THRAP3: variants seen among roughly 807,000 people sequenced by gnomAD.
THRAP3 encodes thyroid hormone receptor-associated protein 3.
In THRAP3, 16 loss-of-function variants were observed where a neutral mutation model predicts 101.0. That is an observed-to-expected ratio of 0.16 (90% CI 0.11 to 0.24). The LOEUF (loss-of-function observed/expected upper bound fraction) is 0.24. THRAP3 is among the 10% of genes least tolerant of loss of function. The probability of loss-of-function intolerance (pLI) is 1.00; values close to 1 mark genes in which losing one functional copy is unlikely to be tolerated. For missense variants in THRAP3, 989 were observed against 1,202.7 expected, an observed-to-expected ratio of 0.82 and a Z score of 2.63; for synonymous variants, 407 against 422.6, an observed-to-expected ratio of 0.96 and a Z score of 0.45.
the THRAP3 span, among the ~76,000 whole-genome samples, chr1:36,207,672 G>C: frequency 2.4e-4 from 36 of 152,330 alleles, no homozygotes; most frequent in African/African-American, 8.7e-4. Context: ...ACGTTTCTCT[G>C]CTGCATTGAC....
chr1:36,285,391 A>G (rs1160929115), intron 3 of THRAP3, among the ~76,000 whole-genome samples: 3 of 152,218 alleles, frequency 2.0e-5, no homozygotes, highest in Non-Finnish European at 4.4e-5. Context: ...TTACACCAAC[A>G]TACGTAATTT....
intron 1 of THRAP3, among the ~76,000 whole-genome samples, chr1:36,239,261 T>G (rs1645126958): frequency 1.0e-4 from 2 of 19,840 alleles, no homozygotes; most frequent in Non-Finnish European, 2.0e-4. Context: ...GCTGGTCTTT[T>G]TTTTTTTTTT....
At chr1:36,272,698 T>A (rs1185412001) in intron 2 of THRAP3, among the ~76,000 whole-genome samples, 2 of 152,224 alleles carry the variant, frequency 1.3e-5, no homozygotes, top group Non-Finnish European at 2.9e-5. Flanking sequence ...AGTTGATGGC[T>A]TGTTCACCAA....
intron 1 of THRAP3, among the ~76,000 whole-genome samples, chr1:36,236,883 C>A (rs1441991483): frequency 6.6e-6 from 1 of 152,018 alleles, no homozygotes. Context: ...AGTTTCTGTT[C>A]TTTAAAAACA....
chr1:36,301,788 G>A lies in THRAP3; in HGVS notation c.2646+92G>A, dbSNP rs1646033833. ...CCTTAATTAGTTTGTCCAAAACTGC[G>A]ATTAAATGTACGTGCAGGATTATTG... On this transcript the variant is annotated intron_variant, in intron 11 of 11. Coordinates refer to ENST00000354618, the MANE Select transcript of THRAP3 (RefSeq NM_005119.4). 17 of 1,471,788 alleles carry A rather than the reference G, an allele frequency of 1.2e-5. No homozygotes were observed. The East Asian group carries it at 2.3e-4, about 20-fold the overall frequency. The allele number at this position is 1,471,788 out of a possible 1,614,324, so 91.2% of individuals were successfully genotyped here.
At chr1:36,274,072 TGTGTCACACACACA>T (rs1263691724) in intron 2 of THRAP3, among the ~76,000 whole-genome samples, 1 of 21,508 alleles carries the variant, frequency 4.6e-5, no homozygotes, top group Non-Finnish European at 9.9e-5. Flanking sequence ...TGTGTGTGTG[TGTGTCACACACACA>T]CACACACACA....
intron 1 of THRAP3, 103 bp downstream of exon 1, chr1:36,224,608 C>T (rs1345461458): frequency 1.3e-5 from 2 of 152,600 alleles, no homozygotes; most frequent in Non-Finnish European, 2.9e-5. Context: ...TCGGGGAAGG[C>T]CTGGCGTGGA....
At chr1:36,220,829 C>A (rs1416942458), upstream of THRAP3, among the ~76,000 whole-genome samples, 1 of 151,378 alleles carries the variant, frequency 6.6e-6, no homozygotes, top group Non-Finnish European at 1.5e-5. Flanking sequence ...GTGGCGGGTA[C>A]CTGTAATCTC....
At chr1:36,211,177 T>C in the THRAP3 span, among the ~76,000 whole-genome samples, 1 of 151,046 alleles carries the variant, frequency 6.6e-6, no homozygotes, top group Non-Finnish European at 1.5e-5. Context: ...CTGGAAAGCA[T>C]AGAGAGACTC....
chr1:36,220,972 A>AAAAAAAAATATATATATATAT (rs1285765741), upstream of THRAP3, among the ~76,000 whole-genome samples: 1 of 94,144 alleles, frequency 1.1e-5, no homozygotes, highest in African/African-American at 4.7e-5. Context: ...AAAAAAAAAA[A>AAAAAAAAATATATATATATAT]ATATATATAT....
chr1:36,227,051 G>A (rs576981106), intron 1 of THRAP3, among the ~76,000 whole-genome samples: 5 of 152,230 alleles, frequency 3.3e-5, no homozygotes, highest in African/African-American at 1.2e-4. Flanking sequence ...GGATGTCAAG[G>A]AGAGGGTATC....
chr1:36,241,192 CAAAAAA>C (rs35954224), intron 1 of THRAP3, among the ~76,000 whole-genome samples: 9 of 123,312 alleles, frequency 7.3e-5, no homozygotes, highest in South Asian at 2.6e-4. Context: ...GACTCCGTTT[CAAAAAA>C]AAAAAAAAAA....
chr1:36,283,993 C>G (rs1449848707), intron 3 of THRAP3, among the ~76,000 whole-genome samples: 1 of 152,168 alleles, frequency 6.6e-6, no homozygotes, highest in Non-Finnish European at 1.5e-5. Context: ...CTCTTAGTAA[C>G]TCCTACCCTG....
intron 8 of THRAP3, among the ~76,000 whole-genome samples, chr1:36,295,954 C>CTTTTTTTTTTTTTTTTTTTTTTTT (rs575028397): frequency 1.7e-5 from 1 of 60,488 alleles, no homozygotes; most frequent in Non-Finnish European, 2.8e-5. Flanking sequence ...GCCTTCTCAA[C>CTTTTTTTTTTTTTTTTTTTTTTTT]TTTTTTTTTT....
chr1:36,265,936 T>C (rs1645508146), intron 2 of THRAP3, among the ~76,000 whole-genome samples: 1 of 151,952 alleles, frequency 6.6e-6, no homozygotes, highest in African/African-American at 2.4e-5. Context: ...GGCGGATCAT[T>C]TGAGGTCAGG....
intron 1 of THRAP3, among the ~76,000 whole-genome samples, chr1:36,238,972 C>T (rs868474092): frequency 1.9e-4 from 29 of 151,728 alleles, no homozygotes; most frequent in Middle Eastern, 3.4e-3. Flanking sequence ...CTTGCTCTGT[C>T]GCCTAGGCTG....
rs1240615932 is a variant in THRAP3, at chr1:36,300,987, G to C, written c.2405G>C (p.Arg802Thr). The C allele has an allele frequency of 1.2e-6, 2 of 1,614,074 alleles. No homozygotes were observed. The highest frequency in any genetic ancestry group is 1.7e-6 in the Non-Finnish European group (2 of 1,180,032). Residue 802 changes from arginine (R) to threonine (T), a missense_variant, in exon 10 of 12, where the codon AGA (arginine) becomes ACA (threonine). Coordinates refer to ENST00000354618, the MANE Select transcript of THRAP3 (RefSeq NM_005119.4). ...AEEYTEETEE[R>T]EESTTGFDKS... The stretch of plus-strand genomic sequence containing the variant: ...GAGTACACTGAAGAGACAGAGGAAA[G>C]AGAGGAGAGCACCACGGGCTTTGAC...
intron 5 of THRAP3, 29 bp from the exon 6 acceptor site, chr1:36,291,345 A>G (rs1345455027): frequency 1.2e-6 from 2 of 1,607,452 alleles, no homozygotes; most frequent in Non-Finnish European, 1.7e-6. Flanking sequence ...ATTGTGTTCT[A>G]ATTGGGCCTC....
intron 2 of THRAP3, among the ~76,000 whole-genome samples, chr1:36,280,638 T>C (rs894562473): frequency 3.3e-5 from 5 of 152,262 alleles, no homozygotes; most frequent in African/African-American, 9.6e-5. Context: ...GAATAGGCCC[T>C]GGAGTTTGGG....
Sources: allele counts gnomAD v4.1 joint callset (sites outside exome capture counted in the v4.1 genomes callset), GRCh38; gene constraint gnomAD v4.1.1; transcripts MANE v1.5; gene names NCBI Gene and HGNC (gene_info 2026-07-23, HGNC 2026-07-21).